SLC44A2: variants seen among roughly 807,000 people sequenced by gnomAD.
The protein encoded by SLC44A2 is choline transporter-like protein 2.
In SLC44A2, 57 loss-of-function variants were observed where a neutral mutation model predicts 90.8. That is an observed-to-expected ratio of 0.63 (90% CI 0.51 to 0.78). The LOEUF (loss-of-function observed/expected upper bound fraction) is 0.78, where lower values mean the gene tolerates loss of function less well. SLC44A2 is among the 30% of genes least tolerant of loss of function. The pLI, the probability that SLC44A2 is intolerant of heterozygous loss-of-function variation, is 0.00. For missense variants in SLC44A2, 794 were observed against 919.7 expected (o/e 0.86, Z 1.77); for synonymous variants, 355 against 360.7 (o/e 0.98, Z 0.18).
intron 2 of SLC44A2, among the ~76,000 whole-genome samples, chr19:10,626,849 A>G (rs72620549): frequency 0.034 from 5,118 of 151,918 alleles, 251 homozygotes; most frequent in East Asian, 0.11. Context: ...TCCTGGTTCA[A>G]GCACGTCTTC....
In SLC44A2 at chr19:10,643,563, G is replaced by A; in HGVS notation, c.*178G>A. On this transcript the variant is annotated 3_prime_UTR_variant, in exon 22 of 22. Coordinates refer to ENST00000335757, the MANE Select transcript of SLC44A2 (RefSeq NM_020428.4). ...AGAGTCTGGGGCATCTCCTTCTTAT[G>A]CCAAGGGGCGCTTGGAGTTTTCATG... 2 of 681,134 alleles carry A rather than the reference G, an allele frequency of 2.9e-6. No individual in the cohort carries two copies. Among genetic ancestry groups the A allele is most frequent in the Non-Finnish European group, 4.6e-6 (2 of 438,166 alleles). 42.2% of individuals were successfully genotyped at this position (681,134 alleles called of 1,614,324 possible).
chr19:10,636,210 C>G, intron 14 of SLC44A2, 113 bp from the exon 15 acceptor site: 2 of 1,259,066 alleles, frequency 1.6e-6, no homozygotes, highest in East Asian at 2.3e-5. Context: ...AACTTCAATC[C>G]CTATGTCTCC....
intron 1 of SLC44A2, among the ~76,000 whole-genome samples, chr19:10,616,602 C>T (rs1350218126): frequency 1.3e-5 from 2 of 151,860 alleles, no homozygotes; most frequent in African/African-American, 2.4e-5. Context: ...TAGTGGCTCA[C>T]GCCTGTAATC....
intron 20 of SLC44A2, among the ~76,000 whole-genome samples, chr19:10,639,936 G>A (rs1317504642): frequency 1.3e-5 from 2 of 152,004 alleles, no homozygotes; most frequent in African/African-American, 2.4e-5. Flanking sequence ...TGGAGGGATT[G>A]AGCCTTCATT....
In SLC44A2 at chr19:10,630,934, G is replaced by A; in HGVS notation, c.246-123G>A. On this transcript the variant is annotated intron_variant, in intron 4 of 21. Transcript: ENST00000335757. ...GCAGGAGAATTGCTTGAACCCGGGAGGCGGAGGTTGCAGTGAGCCGAGATC... is the reference window on the plus strand; with the variant it reads ...GCAGGAGAATTGCTTGAACCCGGGAAGCGGAGGTTGCAGTGAGCCGAGATC... 11 of 699,450 alleles carry A rather than the reference G, an allele frequency of 1.6e-5. No homozygotes were observed. In the South Asian group the frequency reaches 1.6e-4, roughly 10 times the overall value. The allele number at this position is 699,450 out of a possible 1,614,324, so 43.3% of individuals were successfully genotyped here.
In SLC44A2 at chr19:10,643,324, T is replaced by A. The variant is rs367922699; in HGVS notation, c.2060T>A (p.Phe687Tyr). The A allele has an allele frequency of 1.1e-4, 183 of 1,612,326 alleles. No individual in the cohort carries two copies. The highest frequency in any genetic ancestry group is 1.8e-4 in the Admixed American group (11 of 59,816). Residue 687 changes from phenylalanine (F) to tyrosine (Y), a missense_variant, in exon 22 of 22, where the codon TTC (phenylalanine) becomes TAC (tyrosine). Physicochemically the swap from Phe to Tyr is conservative, Grantham distance 22. Coordinates refer to ENST00000335757, the MANE Select transcript of SLC44A2 (RefSeq NM_020428.4). ...GACGGCTCGGCCGAGAGGCCTTACT[T>A]CATGTCTTCCACCCTCAAGAAACTC... The part of the protein sequence containing the change: ...RNDGSAERPY[F>Y]MSSTLKKLLN...
rs748101225 is a variant in SLC44A2, at chr19:10,631,850, T to A, written c.627-18T>A. 6.2e-7 allele frequency: 1 copy of A among 1,614,104 alleles called. No individual in the cohort carries two copies. Among genetic ancestry groups the A allele is most frequent in the Non-Finnish European group, 8.5e-7 (1 of 1,180,034 alleles). On this transcript the variant is annotated intron_variant, in intron 8 of 21. Coordinates refer to ENST00000335757, the MANE Select transcript of SLC44A2 (RefSeq NM_020428.4). ...CATGGAAGAGGGTCTGACCCGAGCC[T>A]TGTCCTCCTTCCCCCAGGAAAGCCA... is the stretch of plus-strand genomic sequence containing the variant.
Position 10,638,376 on chromosome 19 carries a change from T to A in SLC44A2, c.1929+61T>A. 9 of 1,489,704 alleles carry A rather than the reference T, an allele frequency of 6.0e-6. No individual in the cohort carries two copies. The Admixed American group carries it at 1.3e-4, about 22-fold the overall frequency. The allele number at this position is 1,489,704 out of a possible 1,614,324, so 92.3% of individuals were successfully genotyped here. On this transcript the variant is annotated intron_variant, in intron 20 of 21. Coordinates refer to ENST00000335757, the MANE Select transcript of SLC44A2 (RefSeq NM_020428.4). The stretch of plus-strand genomic sequence containing the variant: ...GAAAGAGGTGTTGGGATTTGCTTGG[T>A]CTTCTTTGACTAGATAAATGTGGAT...
intron 10 of SLC44A2, 92 bp from the exon 11 acceptor site, chr19:10,634,664 G>A (rs928136456): frequency 1.9e-5 from 30 of 1,574,174 alleles, no homozygotes; most frequent in Non-Finnish European, 2.2e-5. Context: ...CAGAAGCCTC[G>A]ATGTTTGCTT....
chr19:10,625,473 C>A, upstream of SLC44A2: 4 of 1,218,196 alleles, frequency 3.3e-6, no homozygotes. Flanking sequence ...TGGGCAGCTG[C>A]CCAGCTCGGG....
rs1231290059 is a variant in SLC44A2, at chr19:10,643,789, C to T, written c.*404C>T. On this transcript the variant is annotated 3_prime_UTR_variant, in exon 22 of 22. Coordinates refer to ENST00000335757, the MANE Select transcript of SLC44A2 (RefSeq NM_020428.4). ...AGTGAACACCCACGTTTATTCCTGCCTGCTCCGGCCAGGACTGAACCCCTT... is the reference window on the plus strand; with the variant it reads ...AGTGAACACCCACGTTTATTCCTGCTTGCTCCGGCCAGGACTGAACCCCTT... 5.0e-5 allele frequency: 9 copies of T among 180,942 alleles called. No homozygotes were observed. The South Asian group carries it at 7.6e-4, about 15-fold the overall frequency. The allele number at this position is 180,942 out of a possible 1,614,324, so 11.2% of individuals were successfully genotyped here. A position where few individuals can be genotyped will look rare whatever the true frequency, so the allele number is the denominator to read the frequency against.
intron 1 of SLC44A2, among the ~76,000 whole-genome samples, chr19:10,612,041 C>G (rs1918318496): frequency 6.6e-6 from 1 of 151,864 alleles, no homozygotes; most frequent in African/African-American, 2.4e-5. Context: ...CTATTAATTT[C>G]TGTGTGTGTG....
chr19:10,621,430 T>TTG (rs2066894026), upstream of SLC44A2, among the ~76,000 whole-genome samples: 2 of 142,474 alleles, frequency 1.4e-5, no homozygotes, highest in African/African-American at 2.6e-5. Context: ...GTGTTTTTTT[T>TTG]TTTTTTTTTT....
intron 1 of SLC44A2, among the ~76,000 whole-genome samples, chr19:10,612,728 A>T (rs1918339939): frequency 6.6e-6 from 1 of 152,150 alleles, no homozygotes; most frequent in Non-Finnish European, 1.5e-5. Context: ...CAGTTCTCTT[A>T]TCGCCCACGC....
Position 10,636,354 on chromosome 19 carries a change from G to A in SLC44A2, c.1265G>A (p.Cys422Tyr), listed in dbSNP as rs1425098675. 2.5e-6 allele frequency: 4 copies of A among 1,613,582 alleles called. No individual in the cohort carries two copies. In the South Asian group the frequency reaches 4.4e-5, roughly 18 times the overall value. Residue 422 changes from cysteine to tyrosine, a missense_variant, in exon 15 of 22, where the codon TGC (cysteine) becomes TAC (tyrosine). Transcript: ENST00000335757. The part of the protein sequence containing the change: ...TFPSSNESRQ[C>Y]PNARCQFAFY... Reference sequence around the variant, plus strand: ...CCCTCCTCCAATGAGTCCCGCCAATGCCCCAATGCCCGTTGCCAGTTCGCC... The same window carrying A: ...CCCTCCTCCAATGAGTCCCGCCAATACCCCAATGCCCGTTGCCAGTTCGCC...
At chr19:10,632,211 C>T (rs1344837687) in intron 10 of SLC44A2, 55 bp downstream of exon 10, 8 of 1,502,302 alleles carry the variant, frequency 5.3e-6, no homozygotes, top group African/African-American at 2.8e-5. Flanking sequence ...ACTGCCCTGC[C>T]CTTTCCCGTG....
upstream of SLC44A2, among the ~76,000 whole-genome samples, chr19:10,621,542 C>T (rs1413343715): frequency 6.7e-6 from 1 of 149,220 alleles, no homozygotes; most frequent in East Asian, 2.0e-4. Flanking sequence ...CTCTTGGTCT[C>T]AGGTGATCCT....
chr19:10,616,024 T>G (rs1231055603), intron 1 of SLC44A2, among the ~76,000 whole-genome samples: 1 of 151,670 alleles, frequency 6.6e-6, no homozygotes, highest in Non-Finnish European at 1.5e-5. Flanking sequence ...TAGCCGGGCA[T>G]GGTGACATGT....
rs1358586146 is a variant in SLC44A2 at position 10,636,399 on chromosome 19, G to T, written c.1310G>T (p.Gly437Val). 2 of 1,613,908 alleles carry T rather than the reference G, an allele frequency of 1.2e-6. No homozygotes were observed. Among genetic ancestry groups the T allele is most frequent in the South Asian group, 2.2e-5 (2 of 91,054 alleles). ...CQFAFYGGES[G>V]YHRALLGLQI... ...TTCGCCTTCTACGGTGGTGAGTCGGGCTACCACCGGGCCCTGCTGGGCCTG... is the reference window on the plus strand; with the variant it reads ...TTCGCCTTCTACGGTGGTGAGTCGGTCTACCACCGGGCCCTGCTGGGCCTG... The change falls in exon 15 of 22, where the codon GGC becomes GTC. Residue 437 changes from glycine (G) to valine (V), a missense_variant. By Grantham distance (109) the Gly-to-Val change is moderately radical. Around this residue, in one of 3 missense-constraint regions of SLC44A2, gnomAD observed 738 missense variants for 841.1 expected, o/e 0.88. Transcript: ENST00000335757.
Sources: allele counts gnomAD v4.1 joint callset (sites outside exome capture counted in the v4.1 genomes callset), GRCh38; gene constraint gnomAD v4.1.1; regional missense constraint gnomAD v4.1.1; transcripts MANE v1.5; gene names NCBI Gene and HGNC (gene_info 2026-07-23, HGNC 2026-07-21).